The following FOXK2 variants were observed in gnomAD, a reference collection of about 807,000 sequenced individuals.
The protein encoded by FOXK2 is forkhead box protein K2.
In FOXK2, 24 loss-of-function variants were observed where a neutral mutation model predicts 53.3. The ratio of observed to expected loss-of-function variants is 0.45; its 90% confidence interval spans 0.33 to 0.63. The LOEUF is 0.63. FOXK2 is among the 30% of genes least tolerant of loss of function. FOXK2 has a pLI of 0.03. For synonymous variants in FOXK2, 505 were observed against 407.1 expected (o/e 1.24, Z -2.89); for missense variants, 952 against 910.5 (o/e 1.05, Z -0.59).
intron 1 of FOXK2, among the ~76,000 whole-genome samples, chr17:82,555,199 G>C: frequency 6.6e-6 from 1 of 152,156 alleles, no homozygotes; most frequent in East Asian, 1.9e-4. Context: ...GCAGGGCCAG[G>C]GAAGAGGCAC....
intron 8 of FOXK2, among the ~76,000 whole-genome samples, chr17:82,587,862 T>C (rs1220783994): frequency 1.3e-5 from 2 of 152,122 alleles, no homozygotes; most frequent in African/African-American, 4.8e-5. Context: ...CTGGCTCAGG[T>C]GTGGGCTCCC....
chr17:82,552,204 CT>C (rs2044684009), intron 1 of FOXK2, among the ~76,000 whole-genome samples: 1 of 152,200 alleles, frequency 6.6e-6, no homozygotes, highest in Non-Finnish European at 1.5e-5. Flanking sequence ...TTTTCTTTTT[CT>C]TTTGAAATTA....
At chr17:82,583,525 G>A (rs3794720) in intron 5 of FOXK2, among the ~76,000 whole-genome samples, 45,025 of 152,210 alleles carry the variant, frequency 0.3, 8,296 homozygotes, top group African/African-American at 0.5. Context: ...TCTAGCCTGG[G>A]CAAAACAGCG....
intron 8 of FOXK2, chr17:82,601,035 T>C (rs1359366233): frequency 7.1e-6 from 3 of 424,956 alleles, no homozygotes; most frequent in African/African-American, 3.9e-5. Flanking sequence ...TTAATAAAAA[T>C]GTCCGCTAAT....
At position 82,520,074 on chromosome 17, in the gene FOXK2, G is replaced by T. The variant is rs766771535; in HGVS notation, c.186G>T (p.Gln62His). The change falls in exon 1 of 9, where the codon CAG becomes CAT. Residue 62 changes from glutamine to histidine, a missense_variant. By Grantham distance (24) the Gln-to-His change is conservative (BLOSUM62 0). Around this residue, in one of 5 missense-constraint regions of FOXK2, gnomAD observed 163 missense variants for 165.5 expected, o/e 0.98. Transcript: ENST00000335255. ...TGACCATCGGCCGCAACTCGTCGCA[G>T]GGCTCGGTGGACGTGAGCATGGGCC... ...RSVTIGRNSS[Q>H]GSVDVSMGHS... is the part of the protein sequence containing the mutation. 1 of 1,544,228 alleles carries T rather than the reference G, an allele frequency of 6.5e-7. No homozygotes were observed. The highest frequency in any genetic ancestry group is 8.7e-7 in the Non-Finnish European group (1 of 1,147,336).
intron 1 of FOXK2, among the ~76,000 whole-genome samples, chr17:82,546,914 T>G (rs1055514367): frequency 1.3e-4 from 20 of 151,898 alleles, no homozygotes; most frequent in Admixed American, 6.6e-5. Context: ...CCGTCTCTAC[T>G]AAAAATACCA....
intron 8 of FOXK2, among the ~76,000 whole-genome samples, chr17:82,596,547 G>GCCCTGGTGCCCTCATCACGCC (rs1555644203): frequency 1.3e-5 from 2 of 152,212 alleles, no homozygotes; most frequent in East Asian, 3.9e-4. Flanking sequence ...CGCACTTTCT[G>GCCCTGGTGCCCTCATCACGCC]CGGGCAGTCT....
intron 1 of FOXK2, among the ~76,000 whole-genome samples, chr17:82,540,386 T>C (rs1377994787): frequency 6.6e-6 from 1 of 152,214 alleles, no homozygotes; most frequent in Non-Finnish European, 1.5e-5. Context: ...TTCCCTGTCT[T>C]ATGTCCATTC....
At chr17:82,571,691 A>T in intron 3 of FOXK2, 33 bp from the exon 4 acceptor site, 1 of 1,469,638 alleles carries the variant, frequency 6.8e-7, no homozygotes, top group Admixed American at 2.6e-5. Flanking sequence ...TGGTAACTTC[A>T]ATATTCGTTT....
chr17:82,559,860 G>A (rs2044774075), intron 1 of FOXK2, among the ~76,000 whole-genome samples: 1 of 152,004 alleles, frequency 6.6e-6, no homozygotes, highest in Admixed American at 6.6e-5. Flanking sequence ...CCTGGAAGAG[G>A]GCCAAGTGGG....
chr17:82,597,343 T>G (rs558868052), intron 8 of FOXK2, among the ~76,000 whole-genome samples: 1 of 152,302 alleles, frequency 6.6e-6, no homozygotes, highest in Non-Finnish European at 1.5e-5. Flanking sequence ...GTGTGTGTGT[T>G]CCTTCTCTGC....
At position 82,569,650 on chromosome 17, in the gene FOXK2, GA is replaced by G. The variant is rs576454045; in HGVS notation, c.762+1456del. Reference sequence around the variant, plus strand: ...AATTTAAAAAGTTTTTAGAAACATAGAAAAAAATCACAGGGAAGTCAACAGC... The same window carrying G: ...AATTTAAAAAGTTTTTAGAAACATAGAAAAAATCACAGGGAAGTCAACAGC... On this transcript the variant is annotated intron_variant, in intron 3 of 8. Transcript: ENST00000335255. Among the ~76,000 whole-genome samples, 45 of 152,224 alleles carry G rather than the reference GA, an allele frequency of 3.0e-4. No individual in the cohort carries two copies. In the South Asian group the frequency reaches 9.1e-3, roughly 31 times the overall value.
At chr17:82,586,971 G>A in intron 7 of FOXK2, 92 bp from the exon 8 acceptor site, 1 of 1,134,634 alleles carries the variant, frequency 8.8e-7, no homozygotes. Flanking sequence ...TCTAGCAGGT[G>A]TGATAGCTAT....
At chr17:82,544,095 T>C (rs189217177) in intron 1 of FOXK2, among the ~76,000 whole-genome samples, 34 of 152,210 alleles carry the variant, frequency 2.2e-4, no homozygotes, top group African/African-American at 8.2e-4. Flanking sequence ...GTTTTTTTTA[T>C]AGACATGAGG....
intron 2 of FOXK2, among the ~76,000 whole-genome samples, chr17:82,564,286 A>ACTGTGTTGG (rs2044830302): frequency 6.6e-6 from 1 of 151,456 alleles, no homozygotes; most frequent in South Asian, 2.1e-4. Context: ...ACGGGATTTC[A>ACTGTGTTGG]CTGTGTTGGC....
chr17:82,572,157 A>G (rs1379707765), intron 4 of FOXK2: 2 of 298,274 alleles, frequency 6.7e-6, no homozygotes, highest in Non-Finnish European at 1.2e-5. Flanking sequence ...GGATTGTTTG[A>G]GATATTTCCC....
intron 6 of FOXK2, 137 bp downstream of exon 6, chr17:82,584,325 G>T: frequency 6.4e-6 from 6 of 931,692 alleles, no homozygotes; most frequent in Non-Finnish European, 8.9e-6. Flanking sequence ...GATTTTATAG[G>T]CCTTGGAAAA....
intron 1 of FOXK2, among the ~76,000 whole-genome samples, chr17:82,537,906 G>A (rs2044536420): frequency 7.3e-6 from 1 of 136,440 alleles, no homozygotes. Flanking sequence ...TGGCAATGGA[G>A]ACTCTGTCTC....
At chr17:82,559,643 G>A (rs952399279) in intron 1 of FOXK2, among the ~76,000 whole-genome samples, 3 of 152,112 alleles carry the variant, frequency 2.0e-5, no homozygotes, top group African/African-American at 7.2e-5. Flanking sequence ...CTCAGAGGAG[G>A]TGACAGCTGT....
Sources: allele counts gnomAD v4.1 joint callset (sites outside exome capture counted in the v4.1 genomes callset), GRCh38; gene constraint gnomAD v4.1.1; regional missense constraint gnomAD v4.1.1; transcripts MANE v1.5; gene names NCBI Gene and HGNC (gene_info 2026-07-23, HGNC 2026-07-21).